The following SLC25A13 variants were observed in gnomAD, a reference collection of about 807,000 sequenced individuals.
SLC25A13 encodes electrogenic aspartate/glutamate antiporter SLC25A13, mitochondrial.
SLC25A13 carries 70 observed loss-of-function variants against 85.5 expected under a neutral mutation model. The observed-to-expected ratio is 0.82, with a 90% CI of 0.68 to 1.00. SLC25A13 has a LOEUF of 1.00. Ranked by LOEUF, SLC25A13 falls within the 50% of genes least tolerant of loss-of-function variation. SLC25A13 has a pLI of 0.00. For missense variants in SLC25A13, 765 were observed against 819.8 expected (o/e 0.93, Z 0.82); for synonymous variants, 259 against 288.7 (o/e 0.90, Z 1.04).
At chr7:96,214,679 T>G (rs1487394096) in intron 4 of SLC25A13, among the ~76,000 whole-genome samples, 6 of 151,922 alleles carry the variant, frequency 3.9e-5, no homozygotes, top group Non-Finnish European at 8.8e-5. Context: ...GTGAGTGGAG[T>G]GCCACTGCAC....
intron 11 of SLC25A13, among the ~76,000 whole-genome samples, chr7:96,178,435 C>T (rs1794306081): frequency 6.6e-6 from 1 of 152,108 alleles, no homozygotes; most frequent in Non-Finnish European, 1.5e-5. Flanking sequence ...TAATAGAGGG[C>T]AGAAGGTATT....
At chr7:96,291,548 A>G (rs1406107839) in intron 2 of SLC25A13, among the ~76,000 whole-genome samples, 1 of 152,212 alleles carries the variant, frequency 6.6e-6, no homozygotes. Context: ...AATAAAGAAG[A>G]AAAGAGAGAA....
At chr7:96,313,048 T>C (rs530703744) in intron 1 of SLC25A13, among the ~76,000 whole-genome samples, 155 of 152,180 alleles carry the variant, frequency 1.0e-3, no homozygotes, top group Admixed American at 1.6e-3. Flanking sequence ...ACCAAAAAGA[T>C]GGATTCAGTT....
At chr7:96,273,015 T>A (rs1228227541) in intron 3 of SLC25A13, among the ~76,000 whole-genome samples, 2 of 152,150 alleles carry the variant, frequency 1.3e-5, no homozygotes, top group African/African-American at 4.8e-5. Flanking sequence ...GCCTTTACAA[T>A]GGAAATATCA....
At chr7:96,207,526 C>G (rs1218544388) in intron 5 of SLC25A13, among the ~76,000 whole-genome samples, 3 of 152,020 alleles carry the variant, frequency 2.0e-5, no homozygotes, top group African/African-American at 4.8e-5. Context: ...CCTCAAGACC[C>G]AAAATGTAAA....
At chr7:96,268,557 G>A (rs1434007823) in intron 3 of SLC25A13, among the ~76,000 whole-genome samples, 3 of 151,982 alleles carry the variant, frequency 2.0e-5, no homozygotes, top group African/African-American at 7.2e-5. Context: ...TCTCCCTTAC[G>A]GAACTTCATA....
chr7:96,287,045 C>T (rs1584569104), intron 2 of SLC25A13, among the ~76,000 whole-genome samples: 3 of 152,210 alleles, frequency 2.0e-5, no homozygotes, highest in South Asian at 4.1e-4. Flanking sequence ...GAAAAAGTCA[C>T]AGAAAATCAG....
chr7:96,276,650 A>G (rs1584550579), intron 3 of SLC25A13, among the ~76,000 whole-genome samples: 1 of 152,122 alleles, frequency 6.6e-6, no homozygotes, highest in South Asian at 2.1e-4. Context: ...AAGTTCCAAC[A>G]AAATGGAAGC....
intron 14 of SLC25A13, 42 bp downstream of exon 14, chr7:96,146,514 A>C: frequency 6.2e-7 from 1 of 1,601,344 alleles, no homozygotes; most frequent in Non-Finnish European, 8.5e-7. Context: ...TTAGGAGATG[A>C]GAAAGTAATC....
At chr7:96,182,296 T>C (rs1794446917) in intron 11 of SLC25A13, among the ~76,000 whole-genome samples, 2 of 152,192 alleles carry the variant, frequency 1.3e-5, no homozygotes, top group Admixed American at 1.3e-4. Context: ...AATTTTACAG[T>C]AAATTTTTTG....
intron 3 of SLC25A13, among the ~76,000 whole-genome samples, chr7:96,264,080 C>T (rs577389703): frequency 6.6e-6 from 1 of 152,242 alleles, no homozygotes; most frequent in South Asian, 2.1e-4. Context: ...TAATTACTCC[C>T]TTGCACGCCC....
intron 1 of SLC25A13, among the ~76,000 whole-genome samples, chr7:96,308,527 C>T (rs543844506): frequency 6.6e-5 from 10 of 152,300 alleles, no homozygotes; most frequent in Admixed American, 2.6e-4. Context: ...GGCTCCCTAC[C>T]TTTCATCTTA....
At chr7:96,207,035 C>A (rs1024064327) in intron 5 of SLC25A13, among the ~76,000 whole-genome samples, 1 of 152,250 alleles carries the variant, frequency 6.6e-6, no homozygotes, top group African/African-American at 2.4e-5. Context: ...TCCTACAGCA[C>A]AACAATGTCC....
intron 11 of SLC25A13, among the ~76,000 whole-genome samples, chr7:96,171,902 C>T (rs931257438): frequency 8.5e-5 from 13 of 152,050 alleles, no homozygotes; most frequent in Admixed American, 5.2e-4. Flanking sequence ...AGTGGAGCTA[C>T]GTATCTGAAC....
intron 1 of SLC25A13, among the ~76,000 whole-genome samples, chr7:96,308,249 A>C (rs1799831898): frequency 6.6e-6 from 1 of 152,198 alleles, no homozygotes; most frequent in Non-Finnish European, 1.5e-5. Context: ...AGAGAATAAC[A>C]ATTGAATGAA....
intron 13 of SLC25A13, among the ~76,000 whole-genome samples, chr7:96,160,860 T>C (rs1339434015): frequency 6.6e-6 from 1 of 152,208 alleles, no homozygotes; most frequent in Non-Finnish European, 1.5e-5. Flanking sequence ...AGTGGAACTC[T>C]ATTCAAGACC....
At chr7:96,207,156 G>A (rs985136862) in intron 5 of SLC25A13, among the ~76,000 whole-genome samples, 1 of 152,100 alleles carries the variant, frequency 6.6e-6, no homozygotes, top group Non-Finnish European at 1.5e-5. Flanking sequence ...AGACATTAAC[G>A]CTTTGTTTTT....
chr7:96,273,396 A>AGG (rs1798321279), intron 3 of SLC25A13, among the ~76,000 whole-genome samples: 2 of 152,234 alleles, frequency 1.3e-5, no homozygotes, highest in Non-Finnish European at 2.9e-5. Context: ...AGATCTGCAA[A>AGG]TATACTTGAA....
At chr7:96,221,662 T>C (rs1056684919) in intron 4 of SLC25A13, among the ~76,000 whole-genome samples, 2 of 152,242 alleles carry the variant, frequency 1.3e-5, no homozygotes, top group Non-Finnish European at 2.9e-5. Context: ...TCTAGCTTTA[T>C]ATATTTAATA....
Sources: gnomAD v4.1 joint callset for allele counts (sites outside exome capture counted in the v4.1 genomes callset) on GRCh38, gnomAD v4.1.1 for gene constraint, MANE v1.5 for transcripts, NCBI Gene and HGNC (gene_info 2026-07-23, HGNC 2026-07-21) for gene names.